The following SH3GL2 variants were observed in gnomAD, a reference collection of about 807,000 sequenced individuals.
SH3GL2 encodes SH3 domain containing GRB2 like 2, endophilin A1, also known as endophilin-A1.
Under a neutral mutation model 46.0 loss-of-function variants are expected in SH3GL2, and 24 were observed. That is an observed-to-expected ratio of 0.52 (90% CI 0.38 to 0.73). The LOEUF (loss-of-function observed/expected upper bound fraction) is 0.73. SH3GL2 is among the 30% of genes least tolerant of loss of function. SH3GL2 has a pLI of 0.00. For missense variants in SH3GL2, 413 were observed against 424.2 expected (o/e 0.97, Z 0.23); for synonymous variants, 196 against 147.1 (o/e 1.33, Z -2.40).
intron 1 of SH3GL2, among the ~76,000 whole-genome samples, chr9:17,711,386 T>C (rs887468539): frequency 1.3e-5 from 2 of 151,846 alleles, no homozygotes; most frequent in Admixed American, 1.3e-4. Context: ...TATATATACA[T>C]CTGTGAATTG....
At chr9:17,762,781 G>C (rs1240924198) in intron 3 of SH3GL2, among the ~76,000 whole-genome samples, 2 of 152,122 alleles carry the variant, frequency 1.3e-5, no homozygotes, top group Non-Finnish European at 2.9e-5. Context: ...GAACCTTCTT[G>C]GTAACCACTG....
At chr9:17,748,056 T>C (rs1822745486) in intron 2 of SH3GL2, among the ~76,000 whole-genome samples, 1 of 152,178 alleles carries the variant, frequency 6.6e-6, no homozygotes, top group Admixed American at 6.5e-5. Context: ...ATAATGTAGA[T>C]TATTTAGCTT....
chr9:17,776,025 A>G (rs766931064), intron 3 of SH3GL2, among the ~76,000 whole-genome samples: 3 of 152,300 alleles, frequency 2.0e-5, no homozygotes, highest in Non-Finnish European at 2.9e-5. Context: ...GTGATTTACA[A>G]AAGGTCTTTC....
chr9:17,613,643 C>T (rs528301761), intron 1 of SH3GL2, among the ~76,000 whole-genome samples: 1 of 152,216 alleles, frequency 6.6e-6, no homozygotes, highest in Admixed American at 6.5e-5. Context: ...TGTGGAATGC[C>T]TTACTGTTTG....
intron 1 of SH3GL2, among the ~76,000 whole-genome samples, chr9:17,612,623 T>C (rs1706374207): frequency 6.6e-6 from 1 of 152,196 alleles, no homozygotes. Context: ...TATGTAATTG[T>C]GGGAGTGTGT....
At chr9:17,728,480 A>G (rs1314732874) in intron 1 of SH3GL2, among the ~76,000 whole-genome samples, 1 of 151,992 alleles carries the variant, frequency 6.6e-6, no homozygotes, top group African/African-American at 2.4e-5. Flanking sequence ...GTATGTATGT[A>G]TTTATTTTTA....
chr9:17,768,147 G>A (rs568458630), intron 3 of SH3GL2, among the ~76,000 whole-genome samples: 18 of 151,912 alleles, frequency 1.2e-4, no homozygotes, highest in African/African-American at 2.2e-4. Flanking sequence ...CGAGGTGGGC[G>A]GATCACGAGA....
At chr9:17,757,633 T>G (rs936770024) in intron 2 of SH3GL2, among the ~76,000 whole-genome samples, 2 of 152,210 alleles carry the variant, frequency 1.3e-5, no homozygotes, top group Non-Finnish European at 2.9e-5. Flanking sequence ...CATCAAAACT[T>G]ACTTTCAAAT....
chr9:17,715,900 G>A (rs1821744655), intron 1 of SH3GL2, among the ~76,000 whole-genome samples: 1 of 152,042 alleles, frequency 6.6e-6, no homozygotes, highest in African/African-American at 2.4e-5. Context: ...AGAAAGTGGT[G>A]AATATCTCAT....
chr9:17,579,139 C>T lies in SH3GL2; in HGVS notation c.-104C>T. On this transcript the variant is annotated 5_prime_UTR_variant, in exon 1 of 9. Transcript: ENST00000380607. ...CTCGCGCCCATAGCCCCGGCGGCGG[C>T]ACGACCAGAGGCGGCCAGGGGAGCG... 3 of 743,350 alleles carry T rather than the reference C, an allele frequency of 4.0e-6. No homozygotes were observed. Among genetic ancestry groups the T allele is most frequent in the African/African-American group, 1.9e-5 (1 of 53,002 alleles). 46.0% of individuals were successfully genotyped at this position (743,350 alleles called of 1,614,324 possible).
At chr9:17,647,097 A>G (rs897673791) in intron 1 of SH3GL2, among the ~76,000 whole-genome samples, 7 of 152,214 alleles carry the variant, frequency 4.6e-5, no homozygotes, top group African/African-American at 1.2e-4. Flanking sequence ...CCAGAGAGGC[A>G]GTATGGCTAC....
chr9:17,792,308 A>G (rs1372795689), intron 7 of SH3GL2, among the ~76,000 whole-genome samples: 1 of 152,238 alleles, frequency 6.6e-6, no homozygotes, highest in Non-Finnish European at 1.5e-5. Context: ...TTAAAACCAT[A>G]TACTTCAAAG....
intron 1 of SH3GL2, among the ~76,000 whole-genome samples, chr9:17,686,610 T>G (rs973816927): frequency 1.6e-4 from 23 of 141,586 alleles, no homozygotes; most frequent in African/African-American, 4.5e-4. Flanking sequence ...TATGCAGCCA[T>G]AAAAAATGAT....
chr9:17,712,105 T>C (rs1328972558), intron 1 of SH3GL2, among the ~76,000 whole-genome samples: 9 of 151,824 alleles, frequency 5.9e-5, no homozygotes, highest in Non-Finnish European at 1.5e-5. Context: ...TTGCTATTCC[T>C]ATTTTCTTTG....
intron 1 of SH3GL2, among the ~76,000 whole-genome samples, chr9:17,677,703 A>G (rs1290346935): frequency 2.0e-5 from 3 of 152,088 alleles, no homozygotes; most frequent in Non-Finnish European, 4.4e-5. Context: ...ATATGTATAC[A>G]TGTGCCATGT....
At chr9:17,652,033 A>C (rs574250539) in intron 1 of SH3GL2, among the ~76,000 whole-genome samples, 33 of 152,116 alleles carry the variant, frequency 2.2e-4, no homozygotes, top group Non-Finnish European at 3.8e-4. Context: ...TGAGTGATGA[A>C]TTGATTGACT....
At chr9:17,728,987 A>G (rs900037662) in intron 1 of SH3GL2, among the ~76,000 whole-genome samples, 1 of 152,082 alleles carries the variant, frequency 6.6e-6, no homozygotes, top group African/African-American at 2.4e-5. Context: ...TTTGGTATAT[A>G]CTCCGTAATG....
At chr9:17,640,188 A>G (rs1345118666) in intron 1 of SH3GL2, among the ~76,000 whole-genome samples, 1 of 152,168 alleles carries the variant, frequency 6.6e-6, no homozygotes, top group Non-Finnish European at 1.5e-5. Context: ...AAAACATTTT[A>G]AAAATATATA....
intron 4 of SH3GL2, among the ~76,000 whole-genome samples, chr9:17,786,976 A>G (rs541920012): frequency 6.6e-6 from 1 of 152,266 alleles, no homozygotes; most frequent in South Asian, 2.1e-4. Flanking sequence ...GTCTCCCCCA[A>G]AACTCAGCTA....
Sources: gnomAD v4.1 joint callset for allele counts (sites outside exome capture counted in the v4.1 genomes callset) on GRCh38, gnomAD v4.1.1 for gene constraint, MANE v1.5 for transcripts, NCBI Gene and HGNC (gene_info 2026-07-23, HGNC 2026-07-21) for gene names.